Variants in ALS2 observed in about 807,000 individuals in gnomAD.
ALS2 encodes the protein alsin.
Under a neutral mutation model 203.4 loss-of-function variants are expected in ALS2, and 117 were observed. That is an observed-to-expected ratio of 0.58 (90% CI 0.50 to 0.67). ALS2 has a LOEUF of 0.67. ALS2 is among the 30% of genes least tolerant of loss of function. ALS2 has a pLI of 0.00. For missense variants in ALS2, 1,715 were observed against 1,989.4 expected, an observed-to-expected ratio of 0.86 and a Z score of 2.62; for synonymous variants, 718 against 725.9, an observed-to-expected ratio of 0.99 and a Z score of 0.17.
At position 201,728,622 on chromosome 2, in the gene ALS2, C is replaced by G; in HGVS notation, c.2731G>C (p.Glu911Gln). Residue 911 changes from glutamate (E) to glutamine (Q), a missense_variant, in exon 15 of 34, where the codon GAG becomes CAG. Transcript: ENST00000264276. ...GKMTDSLRKP[E>Q]RRLLCESSNR... The stretch of plus-strand genomic sequence containing the variant: ...CTACTCTCACACAGCAGTCGACGCT[C>G]TGGCTTCCTCAAGGAATCCTGGAAT... 1.2e-6 allele frequency: 2 copies of G among 1,614,096 alleles called. No homozygotes were observed. Among genetic ancestry groups the G allele is most frequent in the Non-Finnish European group, 8.5e-7 (1 of 1,179,994 alleles).
At chr2:201,773,050 C>T (rs1455449567) in intron 1 of ALS2, among the ~76,000 whole-genome samples, 1 of 151,864 alleles carries the variant, frequency 6.6e-6, no homozygotes, top group African/African-American at 2.4e-5. Context: ...TTAGTAGAGA[C>T]AGGGTTTCAC....
At chr2:201,710,397 G>T (rs1424565091) in intron 26 of ALS2, among the ~76,000 whole-genome samples, 2 of 150,718 alleles carry the variant, frequency 1.3e-5, no homozygotes, top group African/African-American at 2.4e-5. Context: ...AGGAGTTTGA[G>T]GCCAGCCTGA....
At chr2:201,774,325 C>T (rs960102090) in intron 1 of ALS2, among the ~76,000 whole-genome samples, 3 of 151,950 alleles carry the variant, frequency 2.0e-5, no homozygotes, top group Admixed American at 6.6e-5. Context: ...GAAAGGTCTA[C>T]GTTTTTGAAA....
intron 5 of ALS2, among the ~76,000 whole-genome samples, chr2:201,755,809 A>G (rs1021389165): frequency 2.0e-5 from 3 of 152,228 alleles, no homozygotes; most frequent in African/African-American, 7.2e-5. Context: ...TACATCAAAC[A>G]CACACAACAC....
At chr2:201,748,548 G>A (rs1203451580) in intron 8 of ALS2, among the ~76,000 whole-genome samples, 1 of 152,122 alleles carries the variant, frequency 6.6e-6, no homozygotes, top group Non-Finnish European at 1.5e-5. Context: ...TTAAAAAGGA[G>A]TTTGATTTTC....
At chr2:201,752,186 T>C (rs1693106436) in intron 7 of ALS2, among the ~76,000 whole-genome samples, 1 of 152,158 alleles carries the variant, frequency 6.6e-6, no homozygotes, top group Non-Finnish European at 1.5e-5. Flanking sequence ...TTTTTACAAC[T>C]GACGCATCTC....
At chr2:201,760,410 C>T in intron 4 of ALS2, 4 of 987,714 alleles carry the variant, frequency 4.0e-6, no homozygotes, top group Non-Finnish European at 4.8e-6. Flanking sequence ...CATGTAATTG[C>T]CTGTAAGTTT....
rs1691197827 is a variant in ALS2 at position 201,726,809 on chromosome 2, C to A, written c.3037G>T (p.Asp1013Tyr). 1.2e-6 allele frequency: 2 copies of A among 1,614,016 alleles called. No individual in the cohort carries two copies. The highest frequency in any genetic ancestry group is 1.7e-6 in the Non-Finnish European group (2 of 1,180,030). ...AVDQALRGMSDLPPYGSGSSV... is the reference protein window; with the variant it reads ...AVDQALRGMSYLPPYGSGSSV... ...CTACCACTTCCATAAGGGGGGAGAT[C>A]AGACATCCCTCTCAAAGCCTGATCT... The change falls in exon 18 of 34, where the codon GAT (aspartate) becomes TAT (tyrosine). Residue 1013 changes from aspartate to tyrosine, a missense_variant. By Grantham distance (160) the Asp-to-Tyr change is radical. This residue lies in a region of ALS2 where 1,227 missense variants were observed against 1,413.5 expected (regional missense o/e 0.87). Coordinates refer to ENST00000264276, the MANE Select transcript of ALS2 (RefSeq NM_020919.4).
intron 12 of ALS2, among the ~76,000 whole-genome samples, chr2:201,737,159 AC>A (rs1691922874): frequency 6.6e-6 from 1 of 152,162 alleles, no homozygotes; most frequent in Non-Finnish European, 1.5e-5. Context: ...TAATCCCTAA[AC>A]GATACCATAT....
chr2:201,780,628 C>A (rs3820966), intron 1 of ALS2, among the ~76,000 whole-genome samples: 25,726 of 152,176 alleles, frequency 0.17, 2,494 homozygotes, highest in East Asian at 0.4. Flanking sequence ...AGGGAGAGAC[C>A]GGGGCAAGTG....
At chr2:201,778,820 C>A (rs1263447580) in intron 1 of ALS2, among the ~76,000 whole-genome samples, 1 of 152,176 alleles carries the variant, frequency 6.6e-6, no homozygotes, top group Non-Finnish European at 1.5e-5. Flanking sequence ...ATCCTCACAG[C>A]ATGCCTCTGA....
At chr2:201,738,789 C>T (rs1439741943) in intron 11 of ALS2, 54 bp from the exon 12 acceptor site, 1 of 1,455,340 alleles carries the variant, frequency 6.9e-7, no homozygotes, top group African/African-American at 1.4e-5. Flanking sequence ...ATTAGTTCTT[C>T]AGTTTCCAAA....
intron 20 of ALS2, 99 bp downstream of exon 20, chr2:201,725,257 A>C: frequency 4.2e-6 from 4 of 951,490 alleles, no homozygotes; most frequent in Non-Finnish European, 6.9e-6. Context: ...TATAAGACTA[A>C]ACAAAACTTA....
intron 27 of ALS2, among the ~76,000 whole-genome samples, chr2:201,709,424 T>C (rs1463753503): frequency 6.6e-6 from 1 of 152,210 alleles, no homozygotes. Flanking sequence ...CTTGAGAGCC[T>C]AGAATGATGG....
At chr2:201,709,816 C>T in intron 27 of ALS2, 65 bp downstream of exon 27, 2 of 1,598,296 alleles carry the variant, frequency 1.3e-6, no homozygotes, top group South Asian at 1.1e-5. Flanking sequence ...CAGGGTGAAA[C>T]TACCCAAGCA....
In ALS2 at chr2:201,749,794, CA is replaced by C. The variant is rs1051818923; in HGVS notation, c.1738-6del. 1.2e-6 allele frequency: 2 copies of C among 1,612,952 alleles called. No homozygotes were observed. The highest frequency in any genetic ancestry group is 1.1e-5 in the South Asian group (1 of 91,052). ...ATTGCTACCCCATGAGTAAACCTAT[CA>C]AAAAAACACAGAAAAGTAGCTAAGC... On this transcript the variant is annotated splice_region_variant and splice_polypyrimidine_tract_variant and intron_variant, in intron 7 of 33. Transcript: ENST00000264276.
At chr2:201,764,339 A>T (rs1013166393) in intron 3 of ALS2, among the ~76,000 whole-genome samples, 1 of 152,204 alleles carries the variant, frequency 6.6e-6, no homozygotes, top group South Asian at 2.1e-4. Flanking sequence ...CATATAAAAA[A>T]TAGTGAAACA....
chr2:201,767,215 A>T lies in ALS2; in HGVS notation c.175+14T>A. ...CATTGCAGTTCGTATTTGTTACGCC[A>T]TTCTTTTCATTACCTTCAGTCAGAA... On this transcript the variant is annotated intron_variant, in intron 3 of 33. Coordinates refer to ENST00000264276, the MANE Select transcript of ALS2 (RefSeq NM_020919.4). The T allele has an allele frequency of 6.2e-7, 1 of 1,613,958 alleles. No individual in the cohort carries two copies.
In ALS2 at chr2:201,726,759, G is replaced by T; in HGVS notation, c.3087C>A (p.Pro1029=). 6.2e-7 allele frequency: 1 copy of T among 1,614,148 alleles called. No individual in the cohort carries two copies. Among genetic ancestry groups the T allele is most frequent in the Non-Finnish European group, 8.5e-7 (1 of 1,180,016 alleles). The change falls in exon 18 of 34, where the codon CCC becomes CCA. Residue 1029 remains proline, a synonymous_variant. Coordinates refer to ENST00000264276, the MANE Select transcript of ALS2 (RefSeq NM_020919.4). ...AAGTATATTTGGCACTGCGTGAAAT[G>T]GGTGGTTCCTGTCTCTGAACACTGC... ...SGSSVQRQEP[P]ISRSAKYTFY...
Sources: allele counts gnomAD v4.1 joint callset (sites outside exome capture counted in the v4.1 genomes callset), GRCh38; gene constraint gnomAD v4.1.1; regional missense constraint gnomAD v4.1.1; transcripts MANE v1.5; gene names NCBI Gene and HGNC (gene_info 2026-07-23, HGNC 2026-07-21).